Variants in MICAL2 observed in about 807,000 individuals in gnomAD.
MICAL2 encodes [F-actin]-monooxygenase MICAL2.
MICAL2 carries 77 observed loss-of-function variants against 127.3 expected under a neutral mutation model. The ratio of observed to expected loss-of-function variants is 0.60; its 90% confidence interval spans 0.50 to 0.73. MICAL2 has a LOEUF of 0.73. Ranked by LOEUF, MICAL2 falls within the 30% of genes least tolerant of loss-of-function variation. The pLI, the probability that MICAL2 is intolerant of heterozygous loss-of-function variation, is 0.00. For missense variants in MICAL2, 1,351 were observed against 1,434.4 expected, an observed-to-expected ratio of 0.94 and a Z score of 0.94; for synonymous variants, 570 against 551.1, an observed-to-expected ratio of 1.03 and a Z score of -0.48.
At chr11:12,129,109 T>C (rs952956546) in intron 1 of MICAL2, among the ~76,000 whole-genome samples, 3 of 150,650 alleles carry the variant, frequency 2.0e-5, no homozygotes, top group Admixed American at 6.6e-5. Flanking sequence ...GTCTCCCCTT[T>C]ACAAGACCAT....
chr11:12,261,032 C>T (rs1307919359), intron 26 of MICAL2: 3 of 985,518 alleles, frequency 3.0e-6, no homozygotes, highest in Non-Finnish European at 3.6e-6. Flanking sequence ...CCCAGCGGAT[C>T]CCCCAGCCCG....
chr11:12,346,877 C>T (rs1029321034), intron 32 of MICAL2, among the ~76,000 whole-genome samples: 7 of 152,174 alleles, frequency 4.6e-5, no homozygotes, highest in Non-Finnish European at 1.0e-4. Context: ...GAAAGATTAA[C>T]ACCTTATTTC....
intron 29 of MICAL2, among the ~76,000 whole-genome samples, chr11:12,309,083 T>C (rs576648620): frequency 3.5e-4 from 54 of 152,330 alleles, no homozygotes; most frequent in Non-Finnish European, 6.6e-4. Context: ...ATTTGTGTTT[T>C]GGATACATGT....
At chr11:12,233,876 G>A (rs570788982) in intron 15 of MICAL2, among the ~76,000 whole-genome samples, 3 of 152,264 alleles carry the variant, frequency 2.0e-5, no homozygotes, top group South Asian at 4.1e-4. Context: ...ATACAGATAA[G>A]AAAAAAGTAG....
intron 29 of MICAL2, among the ~76,000 whole-genome samples, chr11:12,318,693 C>G (rs1237444519): frequency 6.6e-6 from 1 of 152,176 alleles, no homozygotes. Context: ...CCTAGCTGGT[C>G]CTGATATTCA....
intron 15 of MICAL2, among the ~76,000 whole-genome samples, chr11:12,235,479 TG>T (rs561910945): frequency 3.2e-4 from 48 of 152,240 alleles, no homozygotes; most frequent in Non-Finnish European, 6.6e-4. Flanking sequence ...ACAATCAGGC[TG>T]GGGGTAAAAA....
intron 22 of MICAL2, among the ~76,000 whole-genome samples, chr11:12,251,577 T>TA (rs536942703): frequency 0.011 from 1,035 of 93,798 alleles, 18 homozygotes; most frequent in African/African-American, 0.034. Flanking sequence ...CATTTCACTT[T>TA]AAAAAAAAAA....
intron 14 of MICAL2, 135 bp from the exon 15 acceptor site, chr11:12,226,890 G>A (rs1230797828): frequency 2.1e-5 from 14 of 668,084 alleles, no homozygotes; most frequent in African/African-American, 5.5e-5. Flanking sequence ...TCCTGACCTC[G>A]TGATCCACCT....
At chr11:12,344,574 C>T (rs1938923284) in intron 32 of MICAL2, among the ~76,000 whole-genome samples, 1 of 148,884 alleles carries the variant, frequency 6.7e-6, no homozygotes, top group African/African-American at 2.4e-5. Flanking sequence ...AATCGGGGTT[C>T]ACTGCAACCT....
At position 12,224,821 on chromosome 11, in the gene MICAL2, G is replaced by GT; in HGVS notation, c.1688+2dup. 1 of 1,609,132 alleles carries GT rather than the reference G, an allele frequency of 6.2e-7. No homozygotes were observed. The highest frequency in any genetic ancestry group is 8.5e-7 in the Non-Finnish European group (1 of 1,175,790). ...TCCACCGCTTCCGGCCTGAGCTCATGTGAGTCTGGGGCCCAGGCTGGCCCC... is the reference window on the plus strand; with the variant it reads ...TCCACCGCTTCCGGCCTGAGCTCATGTTGAGTCTGGGGCCCAGGCTGGCCCC... On this transcript the variant is annotated splice_donor_variant, in intron 13 of 27. Coordinates refer to ENST00000683283, the MANE Select transcript of MICAL2 (RefSeq NM_001282663.2). LOFTEE classifies it high-confidence loss of function.
At chr11:12,257,117 G>A in intron 24 of MICAL2, 146 bp downstream of exon 24, 1 of 859,930 alleles carries the variant, frequency 1.2e-6, no homozygotes. Flanking sequence ...TGCTCAGGGA[G>A]ACTGGGAGCT....
downstream of MICAL2, among the ~76,000 whole-genome samples, chr11:12,267,881 C>A (rs1447424666): frequency 6.6e-6 from 1 of 152,202 alleles, no homozygotes; most frequent in Non-Finnish European, 1.5e-5. Flanking sequence ...GTGTGAGCCA[C>A]TGTGCCTGGC....
intron 3 of MICAL2, among the ~76,000 whole-genome samples, chr11:12,193,394 G>A (rs1190369551): frequency 1.3e-5 from 2 of 152,220 alleles, no homozygotes. Flanking sequence ...TGGTGAAATT[G>A]AAGGAATGCC....
intron 13 of MICAL2, chr11:12,225,885 G>A: frequency 2.3e-6 from 1 of 435,828 alleles, no homozygotes; most frequent in East Asian, 4.1e-5. Context: ...ATATTTAAAA[G>A]TAAAATAGCT....
chr11:12,167,452 G>A (rs1300160879), intron 3 of MICAL2, among the ~76,000 whole-genome samples: 2 of 152,142 alleles, frequency 1.3e-5, no homozygotes, highest in Non-Finnish European at 2.9e-5. Flanking sequence ...GAGGCAGCGA[G>A]GCAGGGTGCA....
chr11:12,261,874 C>T, intron 26 of MICAL2: 1 of 985,926 alleles, frequency 1.0e-6, no homozygotes, highest in Non-Finnish European at 1.2e-6. Context: ...TGGGAGGAAC[C>T]CTTGATTCCT....
chr11:12,115,537 T>G (rs1589956717), intron 1 of MICAL2, among the ~76,000 whole-genome samples: 1 of 152,302 alleles, frequency 6.6e-6, no homozygotes, highest in African/African-American at 2.4e-5. Context: ...CAGGCTGGTC[T>G]CAAACTCCTG....
Position 12,162,392 on chromosome 11 carries a change from G to A in MICAL2, c.237G>A (p.Lys79=), listed in dbSNP as rs371201831. ...LDKRGSHKEY[K]RGKSCTNTKC... is the part of the protein sequence containing the mutation. ...AGCGTGGTTCCCACAAAGAGTATAA[G>A]CGAGGGAAGTCGTGCACGAACACCA... Residue 79 remains lysine, a synonymous_variant, in exon 3 of 28, where the codon AAG becomes AAA. Coordinates refer to ENST00000683283, the MANE Select transcript of MICAL2 (RefSeq NM_001282663.2). 10 of 1,614,130 alleles carry A rather than the reference G, an allele frequency of 6.2e-6. No homozygotes were observed. In the African/African-American group the frequency reaches 1.2e-4, roughly 19 times the overall value.
chr11:12,255,636 T>G lies in MICAL2; in HGVS notation c.2848-7T>G. 2.5e-6 allele frequency: 4 copies of G among 1,613,822 alleles called. No individual in the cohort carries two copies. The highest frequency in any genetic ancestry group is 3.4e-6 in the Non-Finnish European group (4 of 1,179,830). On this transcript the variant is annotated splice_polypyrimidine_tract_variant and splice_region_variant and intron_variant, in intron 22 of 27. Coordinates refer to ENST00000683283, the MANE Select transcript of MICAL2 (RefSeq NM_001282663.2). ...TCTCTGTCTCCTCTGCCTCTGCTCTTGGTTAGCTGACGGTAGGGAAAGTGT... is the reference window on the plus strand; with the variant it reads ...TCTCTGTCTCCTCTGCCTCTGCTCTGGGTTAGCTGACGGTAGGGAAAGTGT...
Sources: allele counts gnomAD v4.1 joint callset (sites outside exome capture counted in the v4.1 genomes callset), GRCh38; gene constraint gnomAD v4.1.1; transcripts MANE v1.5; gene names NCBI Gene and HGNC (gene_info 2026-07-23, HGNC 2026-07-21).